HTR1F: variants seen among roughly 807,000 people sequenced by gnomAD.
HTR1F encodes 5-hydroxytryptamine (serotonin) receptor 1F, G protein-coupled.
HTR1F carries 17 observed loss-of-function variants against 24.0 expected under a neutral mutation model. That is an observed-to-expected ratio of 0.71 (90% CI 0.48 to 1.06). The LOEUF is 1.06. Ranked by LOEUF, HTR1F falls within the 50% of genes least tolerant of loss-of-function variation. HTR1F has a pLI of 0.00. For synonymous variants in HTR1F, 186 were observed against 156.8 expected, an observed-to-expected ratio of 1.19 and a Z score of -1.39; for missense variants, 391 against 427.8, an observed-to-expected ratio of 0.91 and a Z score of 0.76.
intron 2 of HTR1F, among the ~76,000 whole-genome samples, chr3:87,981,641 T>C (rs1705546749): frequency 6.6e-6 from 1 of 152,086 alleles, no homozygotes; most frequent in Non-Finnish European, 1.5e-5. Flanking sequence ...CCCCACACAC[T>C]CAACTTCTTT....
intron 2 of HTR1F, among the ~76,000 whole-genome samples, chr3:87,954,137 A>G (rs1459905104): frequency 6.6e-6 from 1 of 151,808 alleles, no homozygotes; most frequent in Non-Finnish European, 1.5e-5. Flanking sequence ...TTGATAGCAC[A>G]GTGAGATGAC....
At chr3:87,895,373 G>C (rs1436733080) in intron 2 of HTR1F, among the ~76,000 whole-genome samples, 1 of 151,844 alleles carries the variant, frequency 6.6e-6, no homozygotes, top group Non-Finnish European at 1.5e-5. Flanking sequence ...ATGGCCAACA[G>C]GTATATGAAA....
intron 2 of HTR1F, among the ~76,000 whole-genome samples, chr3:87,976,966 C>T (rs578226030): frequency 1.3e-5 from 2 of 152,246 alleles, no homozygotes; most frequent in Non-Finnish European, 2.9e-5. Context: ...AAGATCATGA[C>T]CATAAACTTT....
chr3:87,947,562 G>A (rs559423981), intron 2 of HTR1F, among the ~76,000 whole-genome samples: 20 of 152,042 alleles, frequency 1.3e-4, no homozygotes, highest in African/African-American at 4.8e-4. Context: ...ACATGTCAAA[G>A]GTACAAAAAA....
chr3:87,909,856 G>A (rs1423916438), intron 2 of HTR1F, among the ~76,000 whole-genome samples: 1 of 151,870 alleles, frequency 6.6e-6, no homozygotes, highest in Non-Finnish European at 1.5e-5. Flanking sequence ...GGTCTTTAGC[G>A]GGAGAAAGAG....
intron 2 of HTR1F, among the ~76,000 whole-genome samples, chr3:87,907,898 T>C (rs1703700828): frequency 6.6e-6 from 1 of 151,994 alleles, no homozygotes; most frequent in Non-Finnish European, 1.5e-5. Context: ...AGCAGACTGA[T>C]TATATGTTGG....
rs34317253 is a variant in HTR1F at position 87,967,586 on chromosome 3, TGG to T, written c.-42-23114_-42-23113del. Among the ~76,000 whole-genome samples, 339 of 149,490 alleles carry T rather than the reference TGG, an allele frequency of 2.3e-3. 1 individual carries two copies. Among genetic ancestry groups the T allele is most frequent in the Middle Eastern group, 3.4e-3 (1 of 292 alleles). On this transcript the variant is annotated intron_variant, in intron 2 of 2. Coordinates refer to ENST00000319595, the MANE Select transcript of HTR1F (RefSeq NM_001322209.2). ...GATCCGGTGGGAGGTAATTGAATCA[TGG>T]GGGGGGGTGGGTAGGTCTTTCCTGT...
At chr3:87,869,434 TA>T (rs1479485895) in intron 2 of HTR1F, among the ~76,000 whole-genome samples, 6 of 91,612 alleles carry the variant, frequency 6.5e-5, no homozygotes, top group African/African-American at 2.6e-4. Context: ...GATAGATAGA[TA>T]CATAGATAGA....
intron 2 of HTR1F, among the ~76,000 whole-genome samples, chr3:87,926,218 G>A (rs905678338): frequency 3.4e-4 from 51 of 152,180 alleles, no homozygotes; most frequent in African/African-American, 1.0e-3. Context: ...TATATACAAG[G>A]TCCTTTTAAA....
chr3:87,917,369 CT>C (rs1356246248), intron 2 of HTR1F, among the ~76,000 whole-genome samples: 1 of 140,758 alleles, frequency 7.1e-6, no homozygotes, highest in African/African-American at 2.7e-5. Flanking sequence ...CAGAGCAGAA[CT>C]AAATGAAATT....
At chr3:87,980,956 T>C (rs539442575) in intron 2 of HTR1F, among the ~76,000 whole-genome samples, 1 of 152,220 alleles carries the variant, frequency 6.6e-6, no homozygotes, top group East Asian at 1.9e-4. Flanking sequence ...CATAGGAATG[T>C]CCAGGTCCAC....
intron 1 of HTR1F, among the ~76,000 whole-genome samples, chr3:87,805,486 C>CT (rs954822701): frequency 9.2e-5 from 14 of 151,664 alleles, no homozygotes; most frequent in African/African-American, 2.9e-4. Context: ...TATTTCATAT[C>CT]TTTTTTTTAT....
At chr3:87,872,429 A>G (rs1251862079) in intron 2 of HTR1F, among the ~76,000 whole-genome samples, 1 of 152,080 alleles carries the variant, frequency 6.6e-6, no homozygotes, top group African/African-American at 2.4e-5. Flanking sequence ...ATAGAAATTA[A>G]AGCAGAAAAA....
At chr3:87,860,791 T>C (rs1197486471) in intron 2 of HTR1F, among the ~76,000 whole-genome samples, 1 of 152,168 alleles carries the variant, frequency 6.6e-6, no homozygotes, top group Admixed American at 6.5e-5. Context: ...AGACTCATTG[T>C]TAGTAAGTGA....
intron 2 of HTR1F, among the ~76,000 whole-genome samples, chr3:87,974,483 T>G (rs1705351165): frequency 6.6e-6 from 1 of 152,186 alleles, no homozygotes; most frequent in Non-Finnish European, 1.5e-5. Context: ...TAGAAGCATT[T>G]CTATATTTTT....
Position 87,866,841 on chromosome 3 carries a change from TGTGTGC to T in HTR1F, c.-43+44723_-43+44728del, listed in dbSNP as rs771220341. Among the ~76,000 whole-genome samples the T allele has an allele frequency of 4.4e-3, 659 of 149,298 alleles. 9 individuals carry two copies. The highest frequency in any genetic ancestry group is 0.014 in the African/African-American group (548 of 39,392). The stretch of plus-strand genomic sequence containing the variant: ...GTGCGTGTGTGTGTGTGTGTGTGTG[TGTGTGC>T]GTGTGTGTGTTCAGGGAGCAGTTGT... On this transcript the variant is annotated intron_variant, in intron 2 of 2. Coordinates refer to ENST00000319595, the MANE Select transcript of HTR1F (RefSeq NM_001322209.2).
At chr3:87,897,978 G>A (rs758385506) in intron 2 of HTR1F, among the ~76,000 whole-genome samples, 17 of 152,182 alleles carry the variant, frequency 1.1e-4, no homozygotes, top group Non-Finnish European at 1.6e-4. Flanking sequence ...CAGATTCAGT[G>A]ATCAATAATT....
chr3:87,853,095 C>G (rs1337129541), intron 2 of HTR1F, among the ~76,000 whole-genome samples: 4 of 150,906 alleles, frequency 2.7e-5, no homozygotes, highest in Non-Finnish European at 4.4e-5. Flanking sequence ...TAGACTCCCA[C>G]TCCGCTAGTT....
intron 1 of HTR1F, among the ~76,000 whole-genome samples, chr3:87,803,970 G>T: frequency 6.6e-6 from 1 of 152,124 alleles, no homozygotes; most frequent in South Asian, 2.1e-4. Flanking sequence ...GTGAAACTGG[G>T]CGTACAAATC....
Sources: gnomAD v4.1 joint callset for allele counts (sites outside exome capture counted in the v4.1 genomes callset) on GRCh38, gnomAD v4.1.1 for gene constraint, MANE v1.5 for transcripts, NCBI Gene and HGNC (gene_info 2026-07-23, HGNC 2026-07-21) for gene names.